Variants in PCDH15 observed in about 807,000 individuals in gnomAD.
PCDH15 encodes the protein protocadherin-15.
PCDH15 carries 129 observed loss-of-function variants against 178.5 expected under a neutral mutation model. The observed-to-expected ratio is 0.72, with a 90% CI of 0.63 to 0.84. PCDH15 has a LOEUF of 0.84. Among genes scored for constraint, PCDH15 ranks in the 40% least tolerant of loss-of-function variants. The pLI is 0.00. For synonymous variants in PCDH15, 800 were observed against 732.0 expected (o/e 1.09, Z -1.50); for missense variants, 2,230 against 2,099.9 (o/e 1.06, Z -1.21).
rs572847507 is a variant in PCDH15, at chr10:54,142,019, G to GAA, written c.1785-9014_1785-9013dup. 2.1e-3 allele frequency among the ~76,000 whole-genome samples: 313 copies of GAA among 148,996 alleles called. 1 individual carries two copies. The highest frequency in any genetic ancestry group is 7.5e-3 in the African/African-American group (306 of 40,760). On this transcript the variant is annotated intron_variant, in intron 14 of 37. Transcript: ENST00000644397. ...TTGCATTTGCCATTTTTCAATAATG[G>GAA]AAAAAAAAACAACATTAGTTGTCTT...
At chr10:55,480,773 G>T (rs1246917921) in intron 2 of PCDH15, among the ~76,000 whole-genome samples, 2 of 151,758 alleles carry the variant, frequency 1.3e-5, no homozygotes, top group African/African-American at 4.8e-5. Context: ...GTTCATCAAA[G>T]ATATTGGCCT....
At chr10:53,846,331 T>C (rs1408135056) in intron 28 of PCDH15, among the ~76,000 whole-genome samples, 2 of 151,934 alleles carry the variant, frequency 1.3e-5, no homozygotes, top group Non-Finnish European at 2.9e-5. Flanking sequence ...AACATACTCC[T>C]GTTAATGTCT....
intron 1 of PCDH15, among the ~76,000 whole-genome samples, chr10:54,665,955 T>C (rs946979647): frequency 6.6e-6 from 1 of 151,732 alleles, no homozygotes; most frequent in African/African-American, 2.4e-5. Flanking sequence ...GAATGTGGCT[T>C]TTTTTTTAAA....
intron 3 of PCDH15, among the ~76,000 whole-genome samples, chr10:54,488,018 T>A (rs1397030236): frequency 2.0e-5 from 3 of 151,896 alleles, no homozygotes; most frequent in African/African-American, 7.2e-5. Flanking sequence ...TTAAAGAAAC[T>A]GTATCCTTTT....
chr10:54,216,906 T>C (rs1292410035), intron 9 of PCDH15, among the ~76,000 whole-genome samples: 5 of 152,140 alleles, frequency 3.3e-5, no homozygotes, highest in African/African-American at 1.2e-4. Context: ...TCAAATGTAA[T>C]GATAAATGAT....
chr10:55,461,830 CCAGA>C (rs1258436905), intron 2 of PCDH15, among the ~76,000 whole-genome samples: 27 of 152,136 alleles, frequency 1.8e-4, no homozygotes, highest in African/African-American at 4.3e-4. Context: ...AGAAAACCCA[CCAGA>C]CAATGTCAAA....
intron 2 of PCDH15, among the ~76,000 whole-genome samples, chr10:54,570,024 G>A (rs2089580913): frequency 7.1e-6 from 1 of 140,072 alleles, no homozygotes; most frequent in South Asian, 2.5e-4. Context: ...GACTCTCTTT[G>A]CCAATACAAT....
intron 1 of PCDH15, among the ~76,000 whole-genome samples, chr10:54,676,172 C>A (rs897202395): frequency 1.3e-5 from 2 of 151,742 alleles, no homozygotes; most frequent in African/African-American, 4.8e-5. Flanking sequence ...AATCGTCGAA[C>A]TTAGATAAAA....
intron 2 of PCDH15, among the ~76,000 whole-genome samples, chr10:55,054,747 G>A (rs538421450): frequency 6.6e-6 from 1 of 152,224 alleles, no homozygotes; most frequent in African/African-American, 2.4e-5. Flanking sequence ...GGTTTGATTT[G>A]CATTTCTCTA....
intron 1 of PCDH15, among the ~76,000 whole-genome samples, chr10:54,750,116 CCT>C (rs1566119767): frequency 6.6e-6 from 1 of 151,940 alleles, no homozygotes; most frequent in Non-Finnish European, 1.5e-5. Context: ...CTCTTTCTCT[CCT>C]CTCTTTCTTC....
At position 54,835,878 on chromosome 10, in the gene PCDH15, C is replaced by T. The variant is rs148936609; in HGVS notation, c.-29+61572G>A. On this transcript the variant is annotated intron_variant, in intron 3 of 5. Transcript: ENST00000458638. ...GTCACTTATAAAAGAAAGAAAGATA[C>T]GGTATTTTTTTAAAACTCCCAAAAT... is the stretch of plus-strand genomic sequence containing the variant. 1.5e-3 allele frequency among the ~76,000 whole-genome samples: 221 copies of T among 152,078 alleles called. 1 individual carries two copies. Among genetic ancestry groups the T allele is most frequent in the African/African-American group, 5.0e-3 (206 of 41,506 alleles).
chr10:55,449,438 A>G (rs1033410419), intron 2 of PCDH15, among the ~76,000 whole-genome samples: 4 of 152,080 alleles, frequency 2.6e-5, no homozygotes, highest in African/African-American at 9.7e-5. Flanking sequence ...GTACACCTAC[A>G]ATGCAGTGTC....
At chr10:55,109,623 G>A (rs1202213993) in intron 2 of PCDH15, among the ~76,000 whole-genome samples, 3 of 151,968 alleles carry the variant, frequency 2.0e-5, no homozygotes, top group Admixed American at 1.3e-4. Context: ...TTATAAGGTC[G>A]GTGAAAAATC....
intron 2 of PCDH15, among the ~76,000 whole-genome samples, chr10:55,117,385 A>C (rs2132062296): frequency 6.6e-6 from 1 of 152,354 alleles, no homozygotes; most frequent in South Asian, 2.1e-4. Context: ...AAAAGCTATC[A>C]GCCTCTTTTG....
At chr10:53,891,925 T>C (rs575993564) in intron 26 of PCDH15, among the ~76,000 whole-genome samples, 2 of 151,000 alleles carry the variant, frequency 1.3e-5, no homozygotes, top group South Asian at 4.2e-4. Flanking sequence ...GCCGAGATCA[T>C]GCCAATGCAC....
chr10:54,903,674 A>G (rs1211650009), intron 2 of PCDH15, among the ~76,000 whole-genome samples: 1 of 152,158 alleles, frequency 6.6e-6, no homozygotes, highest in African/African-American at 2.4e-5. Flanking sequence ...CCAATTCAAA[A>G]ATAAAAATTA....
chr10:54,655,777 C>T (rs189826092), intron 2 of PCDH15: 1 of 152,198 alleles, frequency 6.6e-6, no homozygotes, highest in African/African-American at 2.4e-5. Flanking sequence ...CAAGGATCCA[C>T]AAGATTACTC....
At chr10:55,171,857 T>C (rs895580609) in intron 1 of PCDH15, among the ~76,000 whole-genome samples, 3 of 151,878 alleles carry the variant, frequency 2.0e-5, no homozygotes, top group East Asian at 3.9e-4. Flanking sequence ...AATGGCTAAA[T>C]AGTAGTGATG....
chr10:54,889,613 T>A (rs973095502), intron 3 of PCDH15, among the ~76,000 whole-genome samples: 2 of 150,838 alleles, frequency 1.3e-5, no homozygotes, highest in Non-Finnish European at 3.0e-5. Flanking sequence ...GAAAAAGTCT[T>A]CTTGGTCTAT....
Sources: gnomAD v4.1 joint callset for allele counts (sites outside exome capture counted in the v4.1 genomes callset) on GRCh38, gnomAD v4.1.1 for gene constraint, MANE v1.5 for transcripts, NCBI Gene and HGNC (gene_info 2026-07-23, HGNC 2026-07-21) for gene names.